The following DNAH10 variants were observed in gnomAD, a reference collection of about 807,000 sequenced individuals.
DNAH10 encodes dynein axonemal heavy chain 10, also known as axonemal beta dynein heavy chain 10.
A neutral mutation model predicts 506.6 loss-of-function variants in DNAH10; 348 were observed. The ratio of observed to expected loss-of-function variants is 0.69; its 90% CI spans 0.63 to 0.75. The LOEUF is 0.75. DNAH10 is among the 30% of genes least tolerant of loss of function. DNAH10 has a pLI of 0.00. For missense variants in DNAH10, 5,179 were observed against 5,787.1 expected, an observed-to-expected ratio of 0.89 and a Z score of 3.41; for synonymous variants, 2,059 against 2,198.6, an observed-to-expected ratio of 0.94 and a Z score of 1.78.
intron 21 of DNAH10, among the ~76,000 whole-genome samples, chr12:123,816,456 GGTTGTTAAC>G (rs1209294605): frequency 6.6e-6 from 1 of 152,212 alleles, no homozygotes; most frequent in Non-Finnish European, 1.5e-5. Context: ...AGAGCTTCCA[GGTTGTTAAC>G]CACACCAAGG....
intron 32 of DNAH10, among the ~76,000 whole-genome samples, chr12:123,847,097 TA>T (rs1950975251): frequency 1.4e-5 from 2 of 147,474 alleles, no homozygotes; most frequent in African/African-American, 5.4e-5. Context: ...TCTATCTATC[TA>T]ATCTATCTAT....
At chr12:123,803,972 C>T in intron 17 of DNAH10, 147 bp downstream of exon 17, 2 of 734,594 alleles carry the variant, frequency 2.7e-6, no homozygotes, top group Admixed American at 7.8e-5. Context: ...TGCTCTCAGT[C>T]ATTTACTTGA....
At chr12:123,878,744 A>T (rs746897553) in intron 48 of DNAH10, among the ~76,000 whole-genome samples, 3 of 152,144 alleles carry the variant, frequency 2.0e-5, no homozygotes, top group Non-Finnish European at 1.5e-5. Context: ...AAAAAAATTT[A>T]AAAAATTAGC....
chr12:123,785,710 A>C lies in DNAH10; in HGVS notation c.1231-36A>C. ...ATGAAACTATTTGGACCCCAAGGCT[A>C]AGGGCTCTTGCGTGGCTCTCTCCTC... On this transcript the variant is annotated intron_variant, in intron 8 of 78. Coordinates refer to ENST00000673944, the MANE Select transcript of DNAH10 (RefSeq NM_001372106.1). The surrounding 1 kb of genome is among the most constrained non-coding windows in gnomAD (Gnocchi z 4.1). The C allele has an allele frequency of 6.6e-7, 1 of 1,508,466 alleles. No individual in the cohort carries two copies. The highest frequency in any genetic ancestry group is 9.0e-7 in the Non-Finnish European group (1 of 1,117,102). 93.4% of individuals were successfully genotyped at this position (1,508,466 alleles called of 1,614,324 possible).
At chr12:123,912,369 T>TG (rs1201675083) in intron 59 of DNAH10, among the ~76,000 whole-genome samples, 2 of 31,176 alleles carry the variant, frequency 6.4e-5, no homozygotes, top group South Asian at 1.5e-3. Context: ...GGGTCTGTCC[T>TG]GGGGGGTCTG....
chr12:123,855,830 A>T (rs889852171), intron 36 of DNAH10, among the ~76,000 whole-genome samples: 2 of 150,998 alleles, frequency 1.3e-5, no homozygotes, highest in African/African-American at 2.4e-5. Context: ...ACGGCCCACC[A>T]GGACACTCAG....
At chr12:123,796,172 T>A (rs1958269757) in intron 12 of DNAH10, among the ~76,000 whole-genome samples, 1 of 152,098 alleles carries the variant, frequency 6.6e-6, no homozygotes, top group Non-Finnish European at 1.5e-5. Context: ...AAAAGATTAC[T>A]ACAGCCGGGC....
chr12:123,881,761 G>T lies in DNAH10; in HGVS notation c.8771G>T (p.Gly2924Val), dbSNP rs1304500128. 2.6e-6 allele frequency: 4 copies of T among 1,536,086 alleles called. No individual in the cohort carries two copies. Among genetic ancestry groups the T allele is most frequent in the African/African-American group, 2.8e-5 (2 of 72,176 alleles). Residue 2924 changes from glycine (G) to valine (V), a missense_variant, in exon 51 of 79, where the codon GGC becomes GTC. By Grantham distance (109) the Gly-to-Val change is moderately radical. This residue lies in a region of DNAH10 where 4,844 missense variants were observed against 5,430.5 expected (regional missense o/e 0.89). Transcript: ENST00000673944. Reference sequence around the variant, plus strand: ...CACGCCCTGCTGGTCGGGGTAGGGGGCTCAGGGAAGCAGTCTCTTTCGAGG... The same window carrying T: ...CACGCCCTGCTGGTCGGGGTAGGGGTCTCAGGGAAGCAGTCTCTTTCGAGG... ...RGHALLVGVGGSGKQSLSRLA... is the reference protein window; with the variant it reads ...RGHALLVGVGVSGKQSLSRLA...
At chr12:123,793,147 G>A (rs1478271484) in intron 11 of DNAH10, among the ~76,000 whole-genome samples, 1 of 152,098 alleles carries the variant, frequency 6.6e-6, no homozygotes, top group African/African-American at 2.4e-5. Flanking sequence ...GATTGAGGCT[G>A]CAGAGTGGCC....
In DNAH10 at chr12:123,913,264, G is replaced by A. The variant is rs1261480055; in HGVS notation, c.10301G>A (p.Arg3434Gln). ...GAAGAAGCCGAGATCATGGAGAGGCGGCTGATTGCCGCAGACAAACTCATC... is the reference window on the plus strand; with the variant it reads ...GAAGAAGCCGAGATCATGGAGAGGCAGCTGATTGCCGCAGACAAACTCATC... The part of the protein sequence containing the change: ...LQEEAEIMER[R>Q]LIAADKLISG... The change falls in exon 60 of 79, where the codon CGG (arginine) becomes CAG (glutamine). Residue 3434 changes from arginine (R) to glutamine (Q), a missense_variant. This residue lies in a region of DNAH10 where 4,844 missense variants were observed against 5,430.5 expected (regional missense o/e 0.89). Transcript: ENST00000673944. The surrounding 1 kb of genome is among the most constrained non-coding windows in gnomAD (Gnocchi z 5.1). The A allele has an allele frequency of 2.5e-6, 4 of 1,607,886 alleles. No individual in the cohort carries two copies. The highest frequency in any genetic ancestry group is 1.3e-5 in the African/African-American group (1 of 74,976).
chr12:123,866,444 C>T (rs1259919895), intron 41 of DNAH10, among the ~76,000 whole-genome samples: 1 of 151,454 alleles, frequency 6.6e-6, no homozygotes. Flanking sequence ...GGGGTTTCAC[C>T]GTGTTAGCCA....
At chr12:123,816,469 A>T (rs1294070538) in intron 21 of DNAH10, among the ~76,000 whole-genome samples, 1 of 152,160 alleles carries the variant, frequency 6.6e-6, no homozygotes, top group Non-Finnish European at 1.5e-5. Context: ...TGTTAACCAC[A>T]CCAAGGTGCT....
At position 123,926,416 on chromosome 12, in the gene DNAH10, GA is replaced by G; in HGVS notation, c.11922-220del. 1.9e-6 allele frequency: 1 copy of G among 528,592 alleles called. No homozygotes were observed. The highest frequency in any genetic ancestry group is 3.3e-6 in the Non-Finnish European group (1 of 307,220). 32.7% of individuals were successfully genotyped at this position (528,592 alleles called of 1,614,324 possible). A position where few individuals can be genotyped will look rare whatever the true frequency, so the allele number is the denominator to read the frequency against. On this transcript the variant is annotated intron_variant, in intron 68 of 78. Transcript: ENST00000673944. The surrounding 1 kb of genome is among the most constrained non-coding windows in gnomAD (Gnocchi z 4.1). ...AGCACAAACCAACTGAATCGAGTGT[GA>G]GGGGGTACAGAGAAGTCCCTGCCAC... is the stretch of plus-strand genomic sequence containing the variant.
chr12:123,782,289 G>A (rs1957683718), intron 6 of DNAH10, among the ~76,000 whole-genome samples: 1 of 136,542 alleles, frequency 7.3e-6, no homozygotes, highest in Non-Finnish European at 1.5e-5. Context: ...ACAAATAGTT[G>A]GGCTTTCCTT....
rs566884330 is a variant in DNAH10, at chr12:123,907,115, A to G, written c.9816-2146A>G. 2.0e-5 allele frequency among the ~76,000 whole-genome samples: 3 copies of G among 152,258 alleles called. No individual in the cohort carries two copies. In the East Asian group the frequency reaches 5.8e-4, roughly 29 times the overall value. ...CGTGGCGCTGACACTCTGTTTTCCTATAGGAATCCCATGTGCATGGGGAAA... is the reference window on the plus strand; with the variant it reads ...CGTGGCGCTGACACTCTGTTTTCCTGTAGGAATCCCATGTGCATGGGGAAA... On this transcript the variant is annotated intron_variant, in intron 57 of 78. Transcript: ENST00000673944. This position sits in a 1 kb window ranked among gnomAD's most constrained non-coding sequence, Gnocchi z 4.4.
At chr12:123,769,309 C>A (rs1957163413) in intron 2 of DNAH10, among the ~76,000 whole-genome samples, 1 of 151,396 alleles carries the variant, frequency 6.6e-6, no homozygotes, top group South Asian at 2.1e-4. Context: ...CCTCATCCAG[C>A]TAATTTTTTT....
At chr12:123,804,313 C>G (rs952745965) in intron 17 of DNAH10, among the ~76,000 whole-genome samples, 4 of 152,114 alleles carry the variant, frequency 2.6e-5, no homozygotes, top group African/African-American at 9.7e-5. Flanking sequence ...ATCACAAGGT[C>G]AGGAAATCGA....
At chr12:123,767,744 C>A in intron 2 of DNAH10, 55 bp downstream of exon 2, 1 of 1,491,664 alleles carries the variant, frequency 6.7e-7, no homozygotes, top group Non-Finnish European at 9.2e-7. Flanking sequence ...CCCCCCGCAG[C>A]GGGAGTAGGG....
At chr12:123,827,939 AG>A (rs924302669) in intron 25 of DNAH10, among the ~76,000 whole-genome samples, 1 of 152,122 alleles carries the variant, frequency 6.6e-6, no homozygotes, top group Non-Finnish European at 1.5e-5. Flanking sequence ...AAAACTAGGT[AG>A]AAGTAGGCAT....
Sources: allele counts gnomAD v4.1 joint callset (sites outside exome capture counted in the v4.1 genomes callset), GRCh38; gene constraint gnomAD v4.1.1; regional missense constraint gnomAD v4.1.1; non-coding constraint Gnocchi (gnomAD v3.1); transcripts MANE v1.5; gene names NCBI Gene and HGNC (gene_info 2026-07-23, HGNC 2026-07-21).